The following LRRIQ3 variants were observed in gnomAD, a reference collection of about 807,000 sequenced individuals.
The protein encoded by LRRIQ3 is leucine rich repeats and IQ motif containing 3, also known as leucine-rich repeat and IQ domain-containing protein 3.
Under a neutral mutation model 59.3 loss-of-function variants are expected in LRRIQ3, and 75 were observed. That is an observed-to-expected ratio of 1.26 (90% CI 1.05 to 1.53). The LOEUF (loss-of-function observed/expected upper bound fraction) is 1.53. LRRIQ3 is among the 40% of genes most tolerant of loss of function. The pLI is 0.00. For synonymous variants in LRRIQ3, 250 were observed against 231.3 expected, an observed-to-expected ratio of 1.08 and a Z score of -0.73; for missense variants, 831 against 710.0, an observed-to-expected ratio of 1.17 and a Z score of -1.94.
chr1:74,059,798 C>T (rs149962441), intron 6 of LRRIQ3, among the ~76,000 whole-genome samples: 29 of 152,124 alleles, frequency 1.9e-4, no homozygotes, highest in African/African-American at 6.5e-4. Flanking sequence ...GTAATATCAT[C>T]TTAATTTTAA....
chr1:74,191,806 C>T (rs1263936525), intron 1 of LRRIQ3, among the ~76,000 whole-genome samples: 2 of 151,964 alleles, frequency 1.3e-5, no homozygotes, highest in African/African-American at 2.4e-5. Context: ...ATTCATAGCA[C>T]TGAATACATA....
At chr1:74,154,531 A>G (rs1265683609) in intron 4 of LRRIQ3, among the ~76,000 whole-genome samples, 2 of 152,084 alleles carry the variant, frequency 1.3e-5, no homozygotes, top group Non-Finnish European at 2.9e-5. Context: ...CTATTCATAC[A>G]TGCTTAGTTT....
intron 4 of LRRIQ3, among the ~76,000 whole-genome samples, chr1:74,150,377 T>C (rs1382791026): frequency 1.3e-5 from 2 of 152,152 alleles, no homozygotes; most frequent in African/African-American, 4.8e-5. Flanking sequence ...AAGTAAAACA[T>C]ACAAATATAT....
At chr1:74,195,008 A>C (rs1651011619) in intron 1 of LRRIQ3, among the ~76,000 whole-genome samples, 1 of 152,158 alleles carries the variant, frequency 6.6e-6, no homozygotes, top group South Asian at 2.1e-4. Context: ...TTTGGAAAAA[A>C]AATCTACAAA....
At chr1:74,180,791 A>AT in intron 3 of LRRIQ3, 1 of 1,549,582 alleles carries the variant, frequency 6.5e-7, no homozygotes, top group South Asian at 1.2e-5. Context: ...TAAGACTAAC[A>AT]TTTTTCCACA....
intron 5 of LRRIQ3, among the ~76,000 whole-genome samples, chr1:74,096,107 G>C (rs1200389695): frequency 6.6e-6 from 1 of 151,930 alleles, no homozygotes; most frequent in Admixed American, 6.6e-5. Context: ...AAAAATAACT[G>C]TTAAGAGTGG....
At chr1:74,097,882 C>T (rs1024236261) in intron 5 of LRRIQ3, among the ~76,000 whole-genome samples, 1 of 152,082 alleles carries the variant, frequency 6.6e-6, no homozygotes, top group African/African-American at 2.4e-5. Flanking sequence ...ACCAGGCCTG[C>T]CCTAAAAGAG....
chr1:74,059,560 T>C (rs1654639797), intron 6 of LRRIQ3, among the ~76,000 whole-genome samples: 1 of 152,094 alleles, frequency 6.6e-6, no homozygotes, highest in African/African-American at 2.4e-5. Context: ...GATCTAAATG[T>C]CTTTCATTAT....
At chr1:74,056,120 C>T (rs1033079251) in intron 6 of LRRIQ3, among the ~76,000 whole-genome samples, 5 of 149,916 alleles carry the variant, frequency 3.3e-5, no homozygotes, top group Admixed American at 2.7e-4. Flanking sequence ...ACTCCAGTCT[C>T]GGTGACAGAG....
chr1:74,128,933 T>C (rs957764199), intron 4 of LRRIQ3, among the ~76,000 whole-genome samples: 2 of 152,086 alleles, frequency 1.3e-5, no homozygotes, highest in African/African-American at 4.8e-5. Flanking sequence ...GCAAAAACGC[T>C]TGTTCTCTTC....
chr1:74,029,126 G>C (rs1174876945), intron 7 of LRRIQ3, among the ~76,000 whole-genome samples: 2 of 152,012 alleles, frequency 1.3e-5, no homozygotes, highest in Admixed American at 6.6e-5. Flanking sequence ...TGAGACAATG[G>C]GGTTTTCTAG....
intron 3 of LRRIQ3, among the ~76,000 whole-genome samples, chr1:74,166,858 C>T (rs1649021982): frequency 6.6e-6 from 1 of 151,686 alleles, no homozygotes; most frequent in Non-Finnish European, 1.5e-5. Context: ...AAATGCTTAA[C>T]ATCACTAATT....
At chr1:74,180,196 T>C (rs1295502689) in intron 3 of LRRIQ3, 1 of 151,860 alleles carries the variant, frequency 6.6e-6, no homozygotes, top group Non-Finnish European at 1.5e-5. Context: ...CAATATGTTT[T>C]TTTCTTTTCT....
chr1:74,168,107 T>C (rs1486015824), intron 3 of LRRIQ3, among the ~76,000 whole-genome samples: 1 of 152,082 alleles, frequency 6.6e-6, no homozygotes, highest in Non-Finnish European at 1.5e-5. Context: ...TATTGGTTAA[T>C]AGGGTGCTCG....
At chr1:74,035,574 A>C (rs1050472450) in intron 7 of LRRIQ3, among the ~76,000 whole-genome samples, 5 of 152,144 alleles carry the variant, frequency 3.3e-5, no homozygotes, top group African/African-American at 1.2e-4. Flanking sequence ...CAATTCTTTG[A>C]GAAAGTTTTG....
intron 4 of LRRIQ3, among the ~76,000 whole-genome samples, chr1:74,133,963 C>T (rs1210211273): frequency 6.6e-6 from 1 of 151,766 alleles, no homozygotes; most frequent in Non-Finnish European, 1.5e-5. Flanking sequence ...ACACTCAATG[C>T]TTTTTTTAAC....
At chr1:74,113,068 A>G (rs995507691) in intron 4 of LRRIQ3, among the ~76,000 whole-genome samples, 4 of 151,962 alleles carry the variant, frequency 2.6e-5, no homozygotes, top group Admixed American at 6.6e-5. Flanking sequence ...AAATACACTT[A>G]AAAGAAATCA....
rs1654578533 is a variant in LRRIQ3 at position 74,057,706 on chromosome 1, C to CA, written c.998-15774dup. On this transcript the variant is annotated intron_variant, in intron 6 of 7. Coordinates refer to ENST00000354431, the MANE Select transcript of LRRIQ3 (RefSeq NM_001105659.2). ...GGCAAGGACTTTTTGAAATAGACTT[C>CA]AAAGGCACAGGTAACAAAAGCAAAA... is the stretch of plus-strand genomic sequence containing the variant. Among the ~76,000 whole-genome samples, 7 of 152,068 alleles carry CA rather than the reference C, an allele frequency of 4.6e-5. No individual in the cohort carries two copies. The South Asian group carries it at 1.4e-3, about 31-fold the overall frequency.
At chr1:74,178,913 A>G (rs1382483648) in intron 3 of LRRIQ3, among the ~76,000 whole-genome samples, 2 of 152,024 alleles carry the variant, frequency 1.3e-5, no homozygotes, top group East Asian at 3.9e-4. Context: ...TTCATTGCCT[A>G]TGAGAGGTAG....
Sources: gnomAD v4.1 joint callset for allele counts (sites outside exome capture counted in the v4.1 genomes callset) on GRCh38, gnomAD v4.1.1 for gene constraint, MANE v1.5 for transcripts, NCBI Gene and HGNC (gene_info 2026-07-23, HGNC 2026-07-21) for gene names.